Variants in ALG14 observed in about 807,000 individuals in gnomAD.
ALG14 encodes ALG14 UDP-N-acetylglucosaminyltransferase subunit, also known as UDP-N-acetylglucosamine transferase subunit ALG14.
A neutral mutation model predicts 22.8 loss-of-function variants in ALG14; 17 were observed. The ratio of observed to expected loss-of-function variants is 0.75; its 90% CI spans 0.51 to 1.12. ALG14 has a LOEUF of 1.12. Ranked by LOEUF, ALG14 falls within the 50% of genes most tolerant of loss-of-function variation. The pLI is 0.00. For missense variants in ALG14, 288 were observed against 271.8 expected, an observed-to-expected ratio of 1.06 and a Z score of -0.42; for synonymous variants, 89 against 103.7, an observed-to-expected ratio of 0.86 and a Z score of 0.86.
At chr1:95,001,914 G>A (rs1047540688) in intron 3 of ALG14, among the ~76,000 whole-genome samples, 2 of 152,214 alleles carry the variant, frequency 1.3e-5, no homozygotes, top group African/African-American at 4.8e-5. Flanking sequence ...TTAAATGAAT[G>A]AATGAATTTG....
chr1:94,985,657 T>A (rs985268986), intron 3 of ALG14, among the ~76,000 whole-genome samples: 1 of 152,202 alleles, frequency 6.6e-6, no homozygotes, highest in Non-Finnish European at 1.5e-5. Context: ...TCTAGTCAAC[T>A]CTCTATACAC....
intron 2 of ALG14, among the ~76,000 whole-genome samples, chr1:95,028,807 G>A (rs1420683686): frequency 1.3e-4 from 20 of 151,422 alleles, no homozygotes; most frequent in Non-Finnish European, 2.4e-4. Context: ...TCAAAAAAAA[G>A]AAAAAGAAAA....
At chr1:95,050,247 C>T (rs762833720) in intron 2 of ALG14, among the ~76,000 whole-genome samples, 27 of 152,014 alleles carry the variant, frequency 1.8e-4, no homozygotes, top group East Asian at 3.9e-4. Context: ...TTAAGAAGTC[C>T]GAAAAAAATT....
chr1:95,065,563 C>G (rs1474611690), intron 1 of ALG14, among the ~76,000 whole-genome samples: 1 of 151,998 alleles, frequency 6.6e-6, no homozygotes, highest in Non-Finnish European at 1.5e-5. Context: ...AGAGTGATAG[C>G]AATACTGGGA....
intron 2 of ALG14, among the ~76,000 whole-genome samples, chr1:95,030,811 A>G (rs891923740): frequency 1.1e-4 from 16 of 152,204 alleles, no homozygotes; most frequent in African/African-American, 3.6e-4. Flanking sequence ...AGCAGCCTGG[A>G]GCAGCTAAGA....
chr1:95,059,528 C>T (rs1675063783), intron 2 of ALG14, among the ~76,000 whole-genome samples: 2 of 151,302 alleles, frequency 1.3e-5, no homozygotes, highest in African/African-American at 4.9e-5. Context: ...CTTGTGATCA[C>T]CCAGGAGCTA....
chr1:95,065,913 C>G (rs975926750), intron 1 of ALG14, among the ~76,000 whole-genome samples: 1 of 152,094 alleles, frequency 6.6e-6, no homozygotes, highest in Admixed American at 6.5e-5. Flanking sequence ...TTTATGAAAA[C>G]AACAATAGAA....
chr1:95,018,508 C>T (rs901230177), intron 3 of ALG14, among the ~76,000 whole-genome samples: 10 of 151,766 alleles, frequency 6.6e-5, no homozygotes, highest in African/African-American at 2.4e-4. Context: ...TGCACTCCAG[C>T]CTGGGTGACA....
intron 2 of ALG14, among the ~76,000 whole-genome samples, chr1:95,040,634 G>C (rs1674350413): frequency 6.6e-6 from 1 of 152,096 alleles, no homozygotes; most frequent in Admixed American, 6.5e-5. Context: ...TTCCAAAACA[G>C]GCCATGTCCT....
At chr1:95,017,836 A>G (rs890558416) in intron 3 of ALG14, among the ~76,000 whole-genome samples, 5 of 152,220 alleles carry the variant, frequency 3.3e-5, no homozygotes, top group Admixed American at 2.6e-4. Flanking sequence ...CTAAAATCCA[A>G]TGAGGCACTG....
chr1:95,044,103 T>C (rs1219908520), intron 2 of ALG14, among the ~76,000 whole-genome samples: 1 of 152,228 alleles, frequency 6.6e-6, no homozygotes, highest in East Asian at 1.9e-4. Flanking sequence ...TTTGTAGTCA[T>C]GTTTGATTCC....
intron 2 of ALG14, among the ~76,000 whole-genome samples, chr1:95,061,139 T>C (rs1013899215): frequency 3.3e-5 from 5 of 152,164 alleles, no homozygotes; most frequent in Admixed American, 3.3e-4. Flanking sequence ...GGAGGGAGTA[T>C]GGCCCCATGA....
At chr1:95,038,277 C>G (rs1674262771) in intron 2 of ALG14, among the ~76,000 whole-genome samples, 1 of 152,144 alleles carries the variant, frequency 6.6e-6, no homozygotes, top group South Asian at 2.1e-4. Flanking sequence ...CACCTGAGGT[C>G]AGGAGTTTTG....
intron 3 of ALG14, among the ~76,000 whole-genome samples, chr1:95,022,867 C>T (rs1673703171): frequency 6.6e-6 from 1 of 152,094 alleles, no homozygotes; most frequent in Non-Finnish European, 1.5e-5. Context: ...AGATGAAAGT[C>T]ATTATACAAA....
chr1:95,034,655 G>A (rs191250041), intron 2 of ALG14, among the ~76,000 whole-genome samples: 1 of 152,218 alleles, frequency 6.6e-6, no homozygotes, highest in East Asian at 1.9e-4. Flanking sequence ...ATATGCTGCT[G>A]ACTCACCTCC....
intron 3 of ALG14, among the ~76,000 whole-genome samples, chr1:95,026,006 C>T (rs1673804374): frequency 1.3e-5 from 2 of 151,972 alleles, no homozygotes; most frequent in South Asian, 4.2e-4. Flanking sequence ...GATCTCGGCT[C>T]ACTGCAAGCT....
Position 95,038,681 on chromosome 1 carries a change from C to CAA in ALG14, c.289-11423_289-11422dup, listed in dbSNP as rs34228707. On this transcript the variant is annotated intron_variant, in intron 2 of 3. Coordinates refer to ENST00000370205, the MANE Select transcript of ALG14 (RefSeq NM_144988.4). ...GGGCAACAAGAACAAAACTTCACCTCAAAAAAAAAAAAAAACAAAGTGATA... is the reference window on the plus strand; with the variant it reads ...GGGCAACAAGAACAAAACTTCACCTCAAAAAAAAAAAAAAAAACAAAGTGATA... Among the ~76,000 whole-genome samples the CAA allele has an allele frequency of 1.2e-3, 112 of 94,728 alleles. 1 individual carries two copies. The East Asian group carries it at 0.022, about 18-fold the overall frequency. The allele number at this position is 94,728 out of a possible 152,430, so 62.1% of individuals were successfully genotyped here.
chr1:95,070,127 C>T (rs958193112), intron 1 of ALG14, among the ~76,000 whole-genome samples: 1 of 152,116 alleles, frequency 6.6e-6, no homozygotes, highest in South Asian at 2.1e-4. Context: ...GAGGGCCCTA[C>T]CCCACATCCA....
At chr1:95,060,387 T>C (rs995689909) in intron 2 of ALG14, among the ~76,000 whole-genome samples, 7 of 152,076 alleles carry the variant, frequency 4.6e-5, no homozygotes, top group Non-Finnish European at 7.4e-5. Context: ...TAGTCCTACA[T>C]TGCACTTCGA....
Sources: gnomAD v4.1 joint callset for allele counts (sites outside exome capture counted in the v4.1 genomes callset) on GRCh38, gnomAD v4.1.1 for gene constraint, MANE v1.5 for transcripts, NCBI Gene and HGNC (gene_info 2026-07-23, HGNC 2026-07-21) for gene names.